FKBP1A: variants seen among roughly 807,000 people sequenced by gnomAD.
FKBP1A encodes the protein FKBP prolyl isomerase 1A.
A neutral mutation model predicts 14.2 loss-of-function variants in FKBP1A; 5 were observed. That is an observed-to-expected ratio of 0.35 (90% CI 0.18 to 0.74). FKBP1A has a LOEUF of 0.74. Among genes scored for constraint, FKBP1A ranks in the 30% least tolerant of loss-of-function variants. The probability of loss-of-function intolerance (pLI) is 0.56; values close to 1 mark genes in which losing one functional copy is unlikely to be tolerated. For synonymous variants in FKBP1A, 42 were observed against 49.1 expected (o/e 0.86, Z 0.60); for missense variants, 53 against 138.8 (o/e 0.38, Z 3.10).
intron 2 of FKBP1A, among the ~76,000 whole-genome samples, chr20:1,384,913 A>G (rs1280260377): frequency 6.6e-6 from 1 of 152,206 alleles, no homozygotes; most frequent in African/African-American, 2.4e-5. Context: ...TAGATCCTAT[A>G]ACCAAAAGTG....
intron 2 of FKBP1A, among the ~76,000 whole-genome samples, chr20:1,388,753 G>A (rs1204202468): frequency 6.6e-6 from 1 of 152,008 alleles, no homozygotes; most frequent in East Asian, 1.9e-4. Context: ...GGGTTGGGGG[G>A]GCGGGGGCGG....
intron 3 of FKBP1A, among the ~76,000 whole-genome samples, chr20:1,372,809 G>C (rs1471351131): frequency 2.0e-5 from 3 of 152,256 alleles, no homozygotes; most frequent in Non-Finnish European, 4.4e-5. Flanking sequence ...TGAAAATATT[G>C]ATATGCCTAC....
At chr20:1,385,567 G>A (rs1600337874) in intron 2 of FKBP1A, among the ~76,000 whole-genome samples, 1 of 152,092 alleles carries the variant, frequency 6.6e-6, no homozygotes, top group East Asian at 1.9e-4. Flanking sequence ...GTCTAAACCT[G>A]ACACAGCAGC....
At chr20:1,380,893 T>C (rs1407823624) in intron 2 of FKBP1A, among the ~76,000 whole-genome samples, 1 of 152,166 alleles carries the variant, frequency 6.6e-6, no homozygotes, top group African/African-American at 2.4e-5. Flanking sequence ...GAAAATTACA[T>C]TGGGCTGAAA....
In FKBP1A at chr20:1,379,164, T is replaced by C. The variant is rs1363202748; in HGVS notation, c.86-3561A>G. 6.6e-6 allele frequency among the ~76,000 whole-genome samples: 1 copy of C among 152,194 alleles called. No individual in the cohort carries two copies. The highest frequency in any genetic ancestry group is 6.5e-5 in the Admixed American group (1 of 15,268). On this transcript the variant is annotated intron_variant, in intron 2 of 4. Transcript: ENST00000400137. This position sits in a 1 kb window ranked among gnomAD's most constrained non-coding sequence, Gnocchi z 4.3. ...GTGCAAGATCGTATTTTGATTGCAGTGAAAGCCACAGGGTACTGAGACAGA... is the reference window on the plus strand; with the variant it reads ...GTGCAAGATCGTATTTTGATTGCAGCGAAAGCCACAGGGTACTGAGACAGA...
chr20:1,391,804 A>T, intron 2 of FKBP1A: 1 of 337,662 alleles, frequency 3.0e-6, no homozygotes, highest in Non-Finnish European at 5.3e-6. Context: ...AAGGGTGGGA[A>T]GGTTGAGAAA....
In FKBP1A at chr20:1,392,850, G is replaced by T; in HGVS notation, c.69C>A (p.Cys23Ter). 1 of 1,535,382 alleles carries T rather than the reference G, an allele frequency of 6.5e-7. No homozygotes were observed. Among genetic ancestry groups the T allele is most frequent in the Non-Finnish European group, 8.8e-7 (1 of 1,141,004 alleles). The change falls in exon 2 of 5, where the codon TGC becomes TGA. Residue 23 changes from cysteine (C) to a stop codon, truncating the protein, a stop_gained. Transcript: ENST00000400137. LOFTEE classifies it high-confidence loss of function. Reference protein sequence around the residue: ...GRTFPKRGQTCVVHYTGMLED... With the variant: ...GRTFPKRGQT Reference sequence around the variant, plus strand: ...CCGACTCACCGGTGTAGTGCACCACGCAGGTCTGGCCGCGCTTGGGGAAGG... The same window carrying T: ...CCGACTCACCGGTGTAGTGCACCACTCAGGTCTGGCCGCGCTTGGGGAAGG...
chr20:1,378,992 T>G (rs1210624413), intron 2 of FKBP1A, among the ~76,000 whole-genome samples: 4 of 152,230 alleles, frequency 2.6e-5, no homozygotes, highest in Non-Finnish European at 5.9e-5. Context: ...TGGCATATAC[T>G]TCTCATTTTT....
rs931568629 is a variant in FKBP1A, at chr20:1,370,173, A to C, written c.*37-101T>G. On this transcript the variant is annotated intron_variant, in intron 4 of 4. Coordinates refer to ENST00000400137, the MANE Select transcript of FKBP1A (RefSeq NM_000801.5). ...ATCTGCCACGCCAAATCCCTTCCCC[A>C]ACAGCTGAGCAGTCTGAGACCAAGC... The C allele has an allele frequency of 6.7e-6, 10 of 1,498,236 alleles. No homozygotes were observed. The East Asian group carries it at 2.2e-4, about 33-fold the overall frequency. 92.8% of individuals were successfully genotyped at this position (1,498,236 alleles called of 1,614,324 possible). A position where few individuals can be genotyped will look rare whatever the true frequency, so the allele number is the denominator to read the frequency against.
chr20:1,378,865 A>G (rs1216611653), intron 2 of FKBP1A: 1 of 152,250 alleles, frequency 6.6e-6, no homozygotes, highest in Non-Finnish European at 1.5e-5. Flanking sequence ...CTCAACAACT[A>G]AAACCACAAA....
At chr20:1,385,574 C>G (rs1292023639) in intron 2 of FKBP1A, among the ~76,000 whole-genome samples, 1 of 152,106 alleles carries the variant, frequency 6.6e-6, no homozygotes, top group East Asian at 1.9e-4. Context: ...CCTGACACAG[C>G]AGCCAGACCC....
chr20:1,383,766 G>T (rs1281456795), intron 2 of FKBP1A, among the ~76,000 whole-genome samples: 1 of 151,182 alleles, frequency 6.6e-6, no homozygotes, highest in African/African-American at 2.4e-5. Flanking sequence ...GAGCCCAGAG[G>T]TTTGAGGTTG....
At chr20:1,376,034 C>A (rs974048381) in intron 2 of FKBP1A, among the ~76,000 whole-genome samples, 2 of 152,252 alleles carry the variant, frequency 1.3e-5, no homozygotes, top group African/African-American at 4.8e-5. Context: ...CCCCCATCAT[C>A]TTTCACATAT....
chr20:1,377,367 T>G (rs1032785303), intron 2 of FKBP1A: 4 of 152,332 alleles, frequency 2.6e-5, no homozygotes, highest in African/African-American at 9.6e-5. Context: ...GTACCAATGC[T>G]GCCTGAAGCC....
chr20:1,371,811 A>G, intron 4 of FKBP1A: 1 of 1,128,088 alleles, frequency 8.9e-7, no homozygotes, highest in Non-Finnish European at 1.1e-6. Flanking sequence ...TTAATTTATA[A>G]ACTACATAGA....
intron 3 of FKBP1A, among the ~76,000 whole-genome samples, chr20:1,373,704 C>T (rs762713642): frequency 1.9e-4 from 29 of 152,168 alleles, no homozygotes; most frequent in Non-Finnish European, 1.0e-4. Flanking sequence ...AACACTATCT[C>T]GATGGCAGAT....
intron 2 of FKBP1A, among the ~76,000 whole-genome samples, chr20:1,389,810 C>T (rs563854242): frequency 6.6e-6 from 1 of 152,326 alleles, no homozygotes; most frequent in East Asian, 1.9e-4. Flanking sequence ...GACGAAGCTA[C>T]TGGAGGCAGC....
At chr20:1,378,532 T>A (rs538843622) in intron 2 of FKBP1A, 3 of 151,794 alleles carry the variant, frequency 2.0e-5, no homozygotes, top group African/African-American at 4.8e-5. Context: ...ACTATGGACT[T>A]TGGGTGATCA....
In FKBP1A at chr20:1,369,954, G is replaced by C; in HGVS notation, c.*155C>G. 1 of 1,460,232 alleles carries C rather than the reference G, an allele frequency of 6.8e-7. No homozygotes were observed. The highest frequency in any genetic ancestry group is 9.3e-7 in the Non-Finnish European group (1 of 1,078,972). The allele number at this position is 1,460,232 out of a possible 1,614,324, so 90.5% of individuals were successfully genotyped here. A position where few individuals can be genotyped will look rare whatever the true frequency, so the allele number is the denominator to read the frequency against. ...ACAGAGGTGTCGGAAGCAAAGCTGA[G>C]TGACAGAACACATTCAGTCAGGGCA... On this transcript the variant is annotated 3_prime_UTR_variant, in exon 5 of 5. Coordinates refer to ENST00000400137, the MANE Select transcript of FKBP1A (RefSeq NM_000801.5).
Sources: gnomAD v4.1 joint callset for allele counts (sites outside exome capture counted in the v4.1 genomes callset) on GRCh38, gnomAD v4.1.1 for gene constraint, Gnocchi (gnomAD v3.1) non-coding constraint, MANE v1.5 for transcripts, NCBI Gene and HGNC (gene_info 2026-07-23, HGNC 2026-07-21) for gene names.